PRKN: variants seen among roughly 807,000 people sequenced by gnomAD.
The protein encoded by PRKN is parkin RBR E3 ubiquitin protein ligase.
PRKN carries 56 observed loss-of-function variants against 59.5 expected under a neutral mutation model. That is an observed-to-expected ratio of 0.94 (90% CI 0.76 to 1.18). The LOEUF is 1.18. PRKN is among the 50% of genes most tolerant of loss of function. The pLI is 0.00. For missense variants in PRKN, 657 were observed against 596.4 expected (o/e 1.10, Z -1.06); for synonymous variants, 250 against 222.1 (o/e 1.13, Z -1.12).
chr6:161,732,212 G>A (rs1043761576), intron 7 of PRKN, among the ~76,000 whole-genome samples: 2 of 151,784 alleles, frequency 1.3e-5, no homozygotes, highest in Non-Finnish European at 2.9e-5. Context: ...TCAGCTCCCT[G>A]AGTAGCTGGG....
chr6:162,371,088 C>T lies in PRKN; in HGVS notation c.171+72222G>A, dbSNP rs11966978. Among the ~76,000 whole-genome samples, 1,390 of 152,274 alleles carry T rather than the reference C, an allele frequency of 9.1e-3. 24 individuals carry two copies. Among genetic ancestry groups the T allele is most frequent in the African/African-American group, 0.032 (1,339 of 41,558 alleles). ...AGAAGGCCATCGTGGGAAGGTGAAGCGATTCATGCTTAGGGCAAGATAATT... is the reference window on the plus strand; with the variant it reads ...AGAAGGCCATCGTGGGAAGGTGAAGTGATTCATGCTTAGGGCAAGATAATT... On this transcript the variant is annotated intron_variant, in intron 2 of 11. Coordinates refer to ENST00000366898, the MANE Select transcript of PRKN (RefSeq NM_004562.3).
At chr6:161,671,844 C>T (rs1035664678) in intron 7 of PRKN, among the ~76,000 whole-genome samples, 1 of 152,104 alleles carries the variant, frequency 6.6e-6, no homozygotes, top group Non-Finnish European at 1.5e-5. Context: ...TTGTCTTGTC[C>T]TCTGTTTGTT....
In PRKN at chr6:162,443,384, G is replaced by A. The variant is rs770591350; in HGVS notation, c.97C>T (p.Arg33Ter). The stretch of plus-strand genomic sequence containing the variant: ...AACTGGTCAGCCGGAACCCCCTGTC[G>A]CTTAGCAACCACCTCCTTGAGCTGG... ...IFQLKEVVAKRQGVPADQLRV... is the reference protein window; with the variant it reads ...IFQLKEVVAK Residue 33 changes from arginine (R) to a stop codon, truncating the protein, a stop_gained, in exon 2 of 12, where the codon CGA becomes TGA. Transcript: ENST00000366898. LOFTEE classifies it high-confidence loss of function. 6.2e-6 allele frequency: 10 copies of A among 1,613,756 alleles called. No homozygotes were observed. The highest frequency in any genetic ancestry group is 1.7e-5 in the Admixed American group (1 of 59,992).
rs766069105 is a variant in PRKN, at chr6:162,492,794, T to C, written c.8-49321A>G. On this transcript the variant is annotated intron_variant, in intron 1 of 11. Coordinates refer to ENST00000366898, the MANE Select transcript of PRKN (RefSeq NM_004562.3). ...GTGAAACTCTGTCTCTACTAAAAAA[T>C]ACAAAAAAATTAGCCAGGTGTGGTG... Among the ~76,000 whole-genome samples the C allele has an allele frequency of 4.0e-5, 6 of 151,344 alleles. 1 individual carries two copies. Among genetic ancestry groups the C allele is most frequent in the Non-Finnish European group, 8.8e-5 (6 of 67,848 alleles).
chr6:161,989,501 G>C (rs1781562177), intron 5 of PRKN, among the ~76,000 whole-genome samples: 2 of 152,148 alleles, frequency 1.3e-5, no homozygotes, highest in South Asian at 4.1e-4. Context: ...CTTGATGCCT[G>C]TGCATACCAT....
intron 5 of PRKN, among the ~76,000 whole-genome samples, chr6:161,986,642 A>G (rs1231676326): frequency 1.3e-5 from 2 of 152,112 alleles, no homozygotes; most frequent in Non-Finnish European, 2.9e-5. Flanking sequence ...GGAAGGGTTC[A>G]TCACTGGTTT....
At chr6:162,436,176 CAAAAAAAAAAAA>C (rs35792526) in intron 2 of PRKN, among the ~76,000 whole-genome samples, 25 of 54,706 alleles carry the variant, frequency 4.6e-4, no homozygotes, top group South Asian at 3.2e-3. Flanking sequence ...ACTCCATCTC[CAAAAAAAAAAAA>C]AAAAAAAAAA....
intron 6 of PRKN, among the ~76,000 whole-genome samples, chr6:161,954,927 G>A (rs1039319416): frequency 2.0e-5 from 3 of 152,176 alleles, no homozygotes; most frequent in African/African-American, 7.2e-5. Context: ...CAATGGAAAA[G>A]AGCCAGCCCC....
chr6:162,355,111 T>G (rs1269446391), intron 2 of PRKN, among the ~76,000 whole-genome samples: 4 of 151,768 alleles, frequency 2.6e-5, no homozygotes, highest in African/African-American at 7.3e-5. Context: ...TTAAAAATAT[T>G]TATTATATTT....
intron 5 of PRKN, among the ~76,000 whole-genome samples, 197 bp downstream of exon 5, chr6:162,053,894 A>G (rs1472161513): frequency 6.6e-6 from 1 of 152,186 alleles, no homozygotes; most frequent in Non-Finnish European, 1.5e-5. Flanking sequence ...GTCACTAGGA[A>G]AGTGACCCTG....
At chr6:162,362,286 TATA>T in intron 2 of PRKN, among the ~76,000 whole-genome samples, 1 of 152,352 alleles carries the variant, frequency 6.6e-6, no homozygotes, top group Admixed American at 6.5e-5. Context: ...CCATGTAAAA[TATA>T]TGTTTTGTAT....
chr6:162,317,612 C>T (rs1034124771), intron 2 of PRKN, among the ~76,000 whole-genome samples: 3 of 151,952 alleles, frequency 2.0e-5, no homozygotes, highest in Non-Finnish European at 2.9e-5. Context: ...CACACTCACT[C>T]GATTGGGGAG....
intron 1 of PRKN, among the ~76,000 whole-genome samples, chr6:162,620,746 G>A (rs560366398): frequency 7.2e-6 from 1 of 139,144 alleles, no homozygotes; most frequent in Non-Finnish European, 1.6e-5. Flanking sequence ...TAAAGATGGG[G>A]TCTTTCTATG....
chr6:162,521,299 A>G (rs1257717726), intron 1 of PRKN, among the ~76,000 whole-genome samples: 2 of 152,236 alleles, frequency 1.3e-5, no homozygotes, highest in Non-Finnish European at 2.9e-5. Flanking sequence ...AGAACTGCCA[A>G]CATGAGAGGG....
chr6:161,677,297 G>T (rs1425582353), intron 7 of PRKN, among the ~76,000 whole-genome samples: 4 of 151,374 alleles, frequency 2.6e-5, no homozygotes. Flanking sequence ...GTTTGGTGAG[G>T]GGGGTGAAGA....
At chr6:162,096,805 G>C (rs1583026322) in intron 4 of PRKN, among the ~76,000 whole-genome samples, 1 of 145,592 alleles carries the variant, frequency 6.9e-6, no homozygotes, top group Non-Finnish European at 1.5e-5. Flanking sequence ...CCAGTCTTGG[G>C]TATGTCTTTA....
intron 7 of PRKN, among the ~76,000 whole-genome samples, chr6:161,756,467 AAAAC>A (rs1788930408): frequency 6.6e-6 from 1 of 150,426 alleles, no homozygotes; most frequent in South Asian, 2.2e-4. Context: ...AAAAAAAAAA[AAAAC>A]ACTTTCTCTC....
intron 2 of PRKN, among the ~76,000 whole-genome samples, chr6:162,307,972 G>C (rs1016835721): frequency 2.6e-5 from 4 of 152,170 alleles, no homozygotes; most frequent in African/African-American, 4.8e-5. Flanking sequence ...TCATTGTGTG[G>C]AGATGACATT....
intron 5 of PRKN, among the ~76,000 whole-genome samples, chr6:162,038,939 G>T (rs1405108905): frequency 6.6e-6 from 1 of 152,106 alleles, no homozygotes; most frequent in Non-Finnish European, 1.5e-5. Context: ...TGGATCATGA[G>T]GTCAGGAGAT....
Sources: gnomAD v4.1 joint callset for allele counts (sites outside exome capture counted in the v4.1 genomes callset) on GRCh38, gnomAD v4.1.1 for gene constraint, MANE v1.5 for transcripts, NCBI Gene and HGNC (gene_info 2026-07-23, HGNC 2026-07-21) for gene names.